The following HCN1 variants were observed in gnomAD, a reference collection of about 807,000 sequenced individuals.
The protein encoded by HCN1 is potassium/sodium hyperpolarization-activated cyclic nucleotide-gated channel 1.
Under a neutral mutation model 78.9 loss-of-function variants are expected in HCN1, and 13 were observed. The observed-to-expected ratio is 0.16, with a 90% CI of 0.11 to 0.26. The LOEUF (loss-of-function observed/expected upper bound fraction) is 0.26, where lower values mean the gene tolerates loss of function less well. Among genes scored for constraint, HCN1 ranks in the 10% least tolerant of loss-of-function variants. The pLI is 1.00. For missense variants in HCN1, 810 were observed against 1,154.3 expected (o/e 0.70, Z 4.32); for synonymous variants, 552 against 455.5 (o/e 1.21, Z -2.70).
intron 2 of HCN1, among the ~76,000 whole-genome samples, chr5:45,462,680 T>G (rs1741186202): frequency 6.6e-6 from 1 of 152,110 alleles, no homozygotes; most frequent in Admixed American, 6.6e-5. Context: ...AGTTACTCCT[T>G]ATTGTTTGTA....
chr5:45,688,949 A>T (rs1280891246), intron 1 of HCN1, among the ~76,000 whole-genome samples: 4 of 152,058 alleles, frequency 2.6e-5, no homozygotes, highest in Non-Finnish European at 5.9e-5. Context: ...CTACAGAGAC[A>T]GAGAGAGGAT....
chr5:45,315,587 AG>A (rs1745969483), intron 5 of HCN1, among the ~76,000 whole-genome samples: 1 of 152,206 alleles, frequency 6.6e-6, no homozygotes, highest in Admixed American at 6.5e-5. Flanking sequence ...AAGGAGATAG[AG>A]ACACAAAAAA....
intron 1 of HCN1, among the ~76,000 whole-genome samples, chr5:45,671,868 A>G (rs991935870): frequency 6.6e-6 from 1 of 151,610 alleles, no homozygotes; most frequent in Non-Finnish European, 1.5e-5. Flanking sequence ...CTTTATCTTT[A>G]CAAAGTCACT....
intron 2 of HCN1, among the ~76,000 whole-genome samples, chr5:45,542,144 C>T (rs140290257): frequency 6.6e-6 from 1 of 152,196 alleles, no homozygotes. Flanking sequence ...AATAACATGT[C>T]ATTAAATTCA....
intron 4 of HCN1, among the ~76,000 whole-genome samples, chr5:45,393,315 A>G (rs1194815626): frequency 1.3e-5 from 2 of 152,148 alleles, no homozygotes; most frequent in African/African-American, 4.8e-5. Flanking sequence ...TACTATAGTT[A>G]TTTGATTGGA....
chr5:45,295,337 T>C (rs748337804), intron 6 of HCN1, among the ~76,000 whole-genome samples: 6 of 152,006 alleles, frequency 3.9e-5, no homozygotes, highest in Non-Finnish European at 8.8e-5. Context: ...CCCACTAAAA[T>C]ATAAGTTCCA....
chr5:45,666,367 A>G (rs955374470), intron 1 of HCN1, among the ~76,000 whole-genome samples: 1 of 152,108 alleles, frequency 6.6e-6, no homozygotes, highest in Admixed American at 6.6e-5. Context: ...TAAGATTACA[A>G]AAACATTTGT....
chr5:45,607,609 C>A (rs1187160612), intron 2 of HCN1, among the ~76,000 whole-genome samples: 1 of 145,638 alleles, frequency 6.9e-6, no homozygotes. Flanking sequence ...ATAGATAGAT[C>A]CAGATATATC....
intron 4 of HCN1, among the ~76,000 whole-genome samples, chr5:45,385,454 A>C (rs1318256563): frequency 6.6e-6 from 1 of 152,108 alleles, no homozygotes; most frequent in Non-Finnish European, 1.5e-5. Context: ...GAAAGCTATA[A>C]TATTACTGCC....
intron 5 of HCN1, among the ~76,000 whole-genome samples, chr5:45,321,889 G>A (rs565231933): frequency 3.3e-5 from 5 of 151,894 alleles, no homozygotes; most frequent in African/African-American, 1.2e-4. Flanking sequence ...GAAAAGCAAT[G>A]TTTATTTTGC....
At chr5:45,359,941 G>GTATATATATA (rs145289641) in intron 4 of HCN1, among the ~76,000 whole-genome samples, 4 of 146,990 alleles carry the variant, frequency 2.7e-5, no homozygotes, top group African/African-American at 7.5e-5. Flanking sequence ...TTGACTTTGA[G>GTATATATATA]TATATATATA....
intron 4 of HCN1, among the ~76,000 whole-genome samples, chr5:45,393,200 G>A (rs1739618435): frequency 1.3e-5 from 2 of 152,146 alleles, no homozygotes; most frequent in Admixed American, 6.6e-5. Context: ...TGTATATCAA[G>A]TATACCAAGG....
intron 1 of HCN1, among the ~76,000 whole-genome samples, chr5:45,658,690 G>A (rs1227198078): frequency 2.6e-5 from 4 of 151,574 alleles, no homozygotes; most frequent in Admixed American, 6.6e-5. Context: ...AGAAAGGGGT[G>A]AGGGACGCAC....
At chr5:45,316,408 G>T (rs142094762) in intron 5 of HCN1, among the ~76,000 whole-genome samples, 1 of 152,032 alleles carries the variant, frequency 6.6e-6, no homozygotes, top group African/African-American at 2.4e-5. Flanking sequence ...CTGATGGGAC[G>T]TATTTCAAAA....
intron 3 of HCN1, among the ~76,000 whole-genome samples, chr5:45,398,003 T>C (rs1316997886): frequency 1.3e-5 from 2 of 151,756 alleles, no homozygotes; most frequent in African/African-American, 4.8e-5. Flanking sequence ...TTTTTAAATT[T>C]AAAAATGATC....
chr5:45,594,899 G>A (rs745366368), intron 2 of HCN1, among the ~76,000 whole-genome samples: 6 of 152,270 alleles, frequency 3.9e-5, no homozygotes, highest in Non-Finnish European at 8.8e-5. Context: ...GACAAGGAAA[G>A]TTACTTGGAA....
chr5:45,312,613 C>A lies in HCN1; in HGVS notation c.1378-8774G>T, dbSNP rs184026864. The stretch of plus-strand genomic sequence containing the variant: ...GCAAGGAGTCAGGGAATTCCCTTTC[C>A]TAGCCAAGGGAAGCTGTGACAGACA... On this transcript the variant is annotated intron_variant, in intron 5 of 7. Coordinates refer to ENST00000303230, the MANE Select transcript of HCN1 (RefSeq NM_021072.4). 9.6e-4 allele frequency among the ~76,000 whole-genome samples: 146 copies of A among 152,332 alleles called. 1 individual carries two copies. Among genetic ancestry groups the A allele is most frequent in the Admixed American group, 3.2e-3 (49 of 15,306 alleles).
At chr5:45,596,511 T>C (rs184426465) in intron 2 of HCN1, among the ~76,000 whole-genome samples, 1 of 152,300 alleles carries the variant, frequency 6.6e-6, no homozygotes, top group East Asian at 1.9e-4. Context: ...TTTGTGTACA[T>C]AATCATGCAC....
chr5:45,314,542 G>T (rs187002538), intron 5 of HCN1, among the ~76,000 whole-genome samples: 1 of 152,222 alleles, frequency 6.6e-6, no homozygotes, highest in East Asian at 1.9e-4. Context: ...TGGGCTAAAT[G>T]CTCCAATTAA....
Sources: gnomAD v4.1 joint callset for allele counts (sites outside exome capture counted in the v4.1 genomes callset) on GRCh38, gnomAD v4.1.1 for gene constraint, MANE v1.5 for transcripts, NCBI Gene and HGNC (gene_info 2026-07-23, HGNC 2026-07-21) for gene names.